The following LPIN2 variants were observed in gnomAD, a reference collection of about 807,000 sequenced individuals.
LPIN2 encodes phosphatidate phosphatase LPIN2.
Under a neutral mutation model 111.4 loss-of-function variants are expected in LPIN2, and 55 were observed. That is an observed-to-expected ratio of 0.49 (90% CI 0.40 to 0.62). LPIN2 has a LOEUF of 0.62. LPIN2 is among the 20% of genes least tolerant of loss of function. The probability of loss-of-function intolerance (pLI) is 0.00; values close to 1 mark genes in which losing one functional copy is unlikely to be tolerated. For synonymous variants in LPIN2, 425 were observed against 414.0 expected, an observed-to-expected ratio of 1.03 and a Z score of -0.32; for missense variants, 992 against 1,112.1, an observed-to-expected ratio of 0.89 and a Z score of 1.54.
chr18:2,920,915 G>T, intron 18 of LPIN2, 34 bp from the exon 19 acceptor site: 1 of 1,435,576 alleles, frequency 7.0e-7, no homozygotes, highest in Non-Finnish European at 9.8e-7. Flanking sequence ...GTGATTCCAG[G>T]GAGGAGAATT....
intron 4 of LPIN2, among the ~76,000 whole-genome samples, chr18:2,941,347 T>G (rs1240377908): frequency 2.0e-5 from 3 of 152,214 alleles, no homozygotes; most frequent in Non-Finnish European, 4.4e-5. Flanking sequence ...GATGTGAAGA[T>G]GATACCAAAA....
chr18:2,928,456 A>T, intron 11 of LPIN2, 135 bp downstream of exon 11: 2 of 875,036 alleles, frequency 2.3e-6, no homozygotes, highest in Non-Finnish European at 3.7e-6. Context: ...TATGACTTTG[A>T]TCTTTTATAT....
chr18:2,945,662 T>C (rs554551351), intron 4 of LPIN2: 9 of 1,435,118 alleles, frequency 6.3e-6, no homozygotes, highest in Middle Eastern at 2.4e-4. Context: ...GTTGCAGTCA[T>C]AGTTAATAAC....
At chr18:2,939,117 C>T (rs913456223) in intron 6 of LPIN2, among the ~76,000 whole-genome samples, 1 of 152,196 alleles carries the variant, frequency 6.6e-6, no homozygotes, top group Non-Finnish European at 1.5e-5. Flanking sequence ...GTTGTGGCTG[C>T]ACCACTGCTC....
intron 1 of LPIN2, among the ~76,000 whole-genome samples, chr18:3,006,649 A>G (rs2078519827): frequency 6.6e-6 from 1 of 152,190 alleles, no homozygotes; most frequent in Non-Finnish European, 1.5e-5. Flanking sequence ...CACCCTGGCT[A>G]ACACGGTGAA....
chr18:2,978,633 A>C (rs1171000138), intron 1 of LPIN2, among the ~76,000 whole-genome samples: 1 of 152,276 alleles, frequency 6.6e-6, no homozygotes, highest in Non-Finnish European at 1.5e-5. Flanking sequence ...GACATTAGTA[A>C]GAAGAATCTG....
At chr18:2,945,061 T>C (rs1484170719) in intron 4 of LPIN2, among the ~76,000 whole-genome samples, 4 of 152,114 alleles carry the variant, frequency 2.6e-5, no homozygotes, top group African/African-American at 4.8e-5. Context: ...TCATCCCACA[T>C]AGAAAAAACT....
chr18:3,012,618 A>T (rs1447827433), intron 1 of LPIN2, among the ~76,000 whole-genome samples: 1 of 152,174 alleles, frequency 6.6e-6, no homozygotes, highest in African/African-American at 2.4e-5. Context: ...CTCGCCGCAG[A>T]TCACGTGCCC....
At chr18:2,982,881 C>T in intron 1 of LPIN2, 1 of 355,966 alleles carries the variant, frequency 2.8e-6, no homozygotes, top group Non-Finnish European at 5.6e-6. Context: ...AGTTATATGG[C>T]TAAAACTGAA....
chr18:2,923,636 G>A (rs1748208578), intron 16 of LPIN2, 139 bp downstream of exon 16: 2 of 796,080 alleles, frequency 2.5e-6, no homozygotes, highest in African/African-American at 3.4e-5. Context: ...ACCATCAACA[G>A]GAAAGGAGTG....
chr18:2,939,755 C>A (rs2077343582), intron 5 of LPIN2, 152 bp from the exon 6 acceptor site: 1 of 766,922 alleles, frequency 1.3e-6, no homozygotes, highest in Non-Finnish European at 2.1e-6. Flanking sequence ...TTATTTCTTC[C>A]ACTTGAGTTC....
chr18:2,920,078 G>C lies in LPIN2; in HGVS notation c.*215C>G. On this transcript the variant is annotated 3_prime_UTR_variant, in exon 20 of 20. Coordinates refer to ENST00000677752, the MANE Select transcript of LPIN2 (RefSeq NM_001375808.2). The stretch of plus-strand genomic sequence containing the variant: ...GAGGGATCCCAGGCCTCCAGCCCCA[G>C]GCCCAGTTCCTCCCTTCTCCTTCCA... The C allele has an allele frequency of 1.6e-6, 1 of 622,588 alleles. No individual in the cohort carries two copies. Among genetic ancestry groups the C allele is most frequent in the Non-Finnish European group, 2.8e-6 (1 of 354,394 alleles). The allele number at this position is 622,588 out of a possible 1,614,324, so 38.6% of individuals were successfully genotyped here.
At chr18:2,922,998 G>A (rs11660930) in intron 16 of LPIN2, among the ~76,000 whole-genome samples, 17,696 of 152,194 alleles carry the variant, frequency 0.12, 1,177 homozygotes, top group South Asian at 0.17. Context: ...TCAGATCAAT[G>A]TAATATATGT....
At chr18:2,957,240 T>C (rs1485403313) in intron 2 of LPIN2, among the ~76,000 whole-genome samples, 1 of 152,212 alleles carries the variant, frequency 6.6e-6, no homozygotes. Flanking sequence ...GGGAGTCTAT[T>C]CATCCTGTTT....
At position 2,920,279 on chromosome 18, in the gene LPIN2, A is replaced by C; in HGVS notation, c.*14T>G. ...GAGGGGGACCAAGCCCTGCCCACCC[A>C]CTGAGGTGCCGCCTCAAGACAGGTC... On this transcript the variant is annotated 3_prime_UTR_variant, in exon 20 of 20. Coordinates refer to ENST00000677752, the MANE Select transcript of LPIN2 (RefSeq NM_001375808.2). 1 of 1,613,944 alleles carries C rather than the reference A, an allele frequency of 6.2e-7. No homozygotes were observed. The highest frequency in any genetic ancestry group is 2.2e-5 in the East Asian group (1 of 44,862).
At chr18:2,944,762 T>C (rs1342986580) in intron 4 of LPIN2, among the ~76,000 whole-genome samples, 5 of 152,200 alleles carry the variant, frequency 3.3e-5, no homozygotes, top group African/African-American at 1.2e-4. Context: ...AGTCTGTAAA[T>C]CAGTAACAAT....
chr18:2,968,731 G>C (rs915599738), intron 1 of LPIN2, among the ~76,000 whole-genome samples: 34 of 152,196 alleles, frequency 2.2e-4, no homozygotes, highest in Admixed American at 6.5e-5. Flanking sequence ...AGTGTGCTAA[G>C]TTTGAGGGAC....
At position 2,931,455 on chromosome 18, in the gene LPIN2, G is replaced by A. The variant is rs902895362; in HGVS notation, c.1269-12C>T. 2 of 1,566,874 alleles carry A rather than the reference G, an allele frequency of 1.3e-6. No homozygotes were observed. The highest frequency in any genetic ancestry group is 2.7e-5 in the African/African-American group (2 of 74,118). The stretch of plus-strand genomic sequence containing the variant: ...CGGGCTCCGATTCACTGTGGACAGG[G>A]GATGGGGAAAAGATGTGCTTTATTA... On this transcript the variant is annotated splice_polypyrimidine_tract_variant and intron_variant, in intron 8 of 19. Coordinates refer to ENST00000677752, the MANE Select transcript of LPIN2 (RefSeq NM_001375808.2).
chr18:2,987,408 T>C (rs983040848), intron 1 of LPIN2, among the ~76,000 whole-genome samples: 8 of 152,238 alleles, frequency 5.3e-5, no homozygotes, highest in Non-Finnish European at 1.2e-4. Context: ...GAGCAAGAGT[T>C]GATTATATCA....
Sources: allele counts gnomAD v4.1 joint callset (sites outside exome capture counted in the v4.1 genomes callset), GRCh38; gene constraint gnomAD v4.1.1; transcripts MANE v1.5; gene names NCBI Gene and HGNC (gene_info 2026-07-23, HGNC 2026-07-21).